Variants in TMTC2 observed in about 807,000 individuals in gnomAD.
The protein encoded by TMTC2 is protein O-mannosyl-transferase TMTC2.
A neutral mutation model predicts 82.4 loss-of-function variants in TMTC2; 43 were observed. The ratio of observed to expected loss-of-function variants is 0.52; its 90% CI spans 0.41 to 0.67. The LOEUF (loss-of-function observed/expected upper bound fraction) is 0.67, where lower values mean the gene tolerates loss of function less well. TMTC2 is among the 30% of genes least tolerant of loss of function. TMTC2 has a pLI of 0.00. For missense variants in TMTC2, 919 were observed against 1,012.4 expected, an observed-to-expected ratio of 0.91 and a Z score of 1.25; for synonymous variants, 408 against 381.9, an observed-to-expected ratio of 1.07 and a Z score of -0.80.
chr12:82,769,862 G>A (rs374805881), intron 1 of TMTC2, among the ~76,000 whole-genome samples: 4 of 151,968 alleles, frequency 2.6e-5, no homozygotes, highest in African/African-American at 7.3e-5. Flanking sequence ...CACCTGCCTC[G>A]GCCTCCCAAA....
At chr12:82,913,837 C>A (rs941960105) in intron 3 of TMTC2, among the ~76,000 whole-genome samples, 1 of 152,158 alleles carries the variant, frequency 6.6e-6, no homozygotes, top group South Asian at 2.1e-4. Context: ...GTTCCAAGAC[C>A]ACACACTTAA....
At chr12:82,823,445 C>G (rs1869231036) in intron 1 of TMTC2, among the ~76,000 whole-genome samples, 1 of 152,082 alleles carries the variant, frequency 6.6e-6, no homozygotes, top group Non-Finnish European at 1.5e-5. Flanking sequence ...CCAGGTATTA[C>G]TTTTGCTATT....
intron 3 of TMTC2, among the ~76,000 whole-genome samples, chr12:82,913,045 G>A (rs1428460398): frequency 1.3e-5 from 2 of 151,654 alleles, no homozygotes; most frequent in Non-Finnish European, 2.9e-5. Flanking sequence ...GAAAACATTA[G>A]TATATTACGA....
chr12:83,042,119 A>G (rs1881917354), intron 9 of TMTC2, among the ~76,000 whole-genome samples: 1 of 152,196 alleles, frequency 6.6e-6, no homozygotes, highest in African/African-American at 2.4e-5. Flanking sequence ...ACATCTTGAA[A>G]TGAATATCTC....
intron 11 of TMTC2, among the ~76,000 whole-genome samples, chr12:83,085,432 G>T (rs1018566584): frequency 2.6e-5 from 4 of 152,128 alleles, no homozygotes; most frequent in Non-Finnish European, 5.9e-5. Context: ...TTACATCCAA[G>T]ATTTTTCTTT....
chr12:83,095,156 A>G (rs1450285442), intron 11 of TMTC2, among the ~76,000 whole-genome samples: 1 of 151,480 alleles, frequency 6.6e-6, no homozygotes, highest in Non-Finnish European at 1.5e-5. Flanking sequence ...TGGAGTCTGC[A>G]GTATTGGGTG....
At chr12:82,874,168 C>T (rs79748950) in intron 2 of TMTC2, among the ~76,000 whole-genome samples, 2,298 of 152,240 alleles carry the variant, frequency 0.015, 66 homozygotes, top group African/African-American at 0.053. Flanking sequence ...GTTGTGATTT[C>T]GTAGATAAAG....
chr12:83,054,894 C>T (rs569573250), intron 10 of TMTC2, among the ~76,000 whole-genome samples: 1 of 151,922 alleles, frequency 6.6e-6, no homozygotes, highest in Non-Finnish European at 1.5e-5. Flanking sequence ...CATGTAAAGA[C>T]CAGCTTTTAG....
chr12:82,999,622 A>AAG (rs78390130), intron 8 of TMTC2, among the ~76,000 whole-genome samples: 63 of 150,306 alleles, frequency 4.2e-4, no homozygotes, highest in African/African-American at 1.3e-3. Flanking sequence ...TCAGCAGGCA[A>AAG]AGAGAGAGAG....
At chr12:82,775,787 G>A (rs1877561762) in intron 1 of TMTC2, among the ~76,000 whole-genome samples, 4 of 151,982 alleles carry the variant, frequency 2.6e-5, no homozygotes, top group African/African-American at 9.7e-5. Context: ...ACTGTGGTAG[G>A]GAAAGTAAAT....
chr12:82,738,477 C>G (rs1875229607), intron 1 of TMTC2, among the ~76,000 whole-genome samples: 1 of 152,084 alleles, frequency 6.6e-6, no homozygotes, highest in African/African-American at 2.4e-5. Flanking sequence ...AATGAATGCA[C>G]CAAGAGTTTA....
intron 2 of TMTC2, among the ~76,000 whole-genome samples, chr12:82,861,205 G>A (rs769897862): frequency 1.3e-5 from 2 of 152,120 alleles, no homozygotes; most frequent in African/African-American, 2.4e-5. Flanking sequence ...ACCTAAAAAT[G>A]GTGGCCCACT....
At chr12:82,978,368 A>G (rs939621159) in intron 7 of TMTC2, among the ~76,000 whole-genome samples, 3 of 151,746 alleles carry the variant, frequency 2.0e-5, no homozygotes, top group Non-Finnish European at 4.4e-5. Context: ...GATAAAACTG[A>G]GGACCTTTAA....
At chr12:82,836,147 CTTG>C (rs1471578097) in intron 1 of TMTC2, among the ~76,000 whole-genome samples, 2 of 101,144 alleles carry the variant, frequency 2.0e-5, no homozygotes, top group African/African-American at 4.7e-4. Context: ...AATGGAATAG[CTTG>C]TATGCTTGTA....
chr12:82,979,032 G>A (rs550381682), intron 7 of TMTC2, among the ~76,000 whole-genome samples: 11 of 151,616 alleles, frequency 7.3e-5, no homozygotes, highest in Non-Finnish European at 1.2e-4. Flanking sequence ...CATTTGTGTG[G>A]AATATCTTTT....
intron 11 of TMTC2, among the ~76,000 whole-genome samples, chr12:83,077,056 G>A (rs1883304080): frequency 6.6e-6 from 1 of 152,192 alleles, no homozygotes; most frequent in African/African-American, 2.4e-5. Flanking sequence ...GAGGGGTCAA[G>A]ACTATTGTGA....
chr12:82,741,396 C>T (rs565614648), intron 1 of TMTC2, among the ~76,000 whole-genome samples: 11 of 152,232 alleles, frequency 7.2e-5, no homozygotes, highest in African/African-American at 2.2e-4. Context: ...GTGCAACCTC[C>T]ACCTCCCAGC....
intron 8 of TMTC2, among the ~76,000 whole-genome samples, chr12:83,026,418 A>T (rs1481322510): frequency 6.6e-6 from 1 of 152,132 alleles, no homozygotes; most frequent in Non-Finnish European, 1.5e-5. Flanking sequence ...AAATATATAT[A>T]CATATTTACA....
rs192363260 is a variant in TMTC2, at chr12:83,119,015, T to C, written c.2332-13195T>C. The stretch of plus-strand genomic sequence containing the variant: ...TCAGTTGTAATATCTTCTATTTCAT[T>C]TCTTATTGAGCCTATTTGGATTTTC... On this transcript the variant is annotated intron_variant, in intron 11 of 11. Coordinates refer to ENST00000321196, the MANE Select transcript of TMTC2 (RefSeq NM_152588.3). Among the ~76,000 whole-genome samples the C allele has an allele frequency of 1.7e-3, 265 of 152,314 alleles. 1 individual carries two copies. The highest frequency in any genetic ancestry group is 2.6e-3 in the Non-Finnish European group (180 of 68,018).
Sources: allele counts gnomAD v4.1 joint callset (sites outside exome capture counted in the v4.1 genomes callset), GRCh38; gene constraint gnomAD v4.1.1; transcripts MANE v1.5; gene names NCBI Gene and HGNC (gene_info 2026-07-23, HGNC 2026-07-21).